The following CRYBG1 variants were observed in gnomAD, a reference collection of about 807,000 sequenced individuals.
The protein encoded by CRYBG1 is crystallin beta-gamma domain containing 1, also known as beta/gamma crystallin domain-containing protein 1.
In CRYBG1, 139 loss-of-function variants were observed where a neutral mutation model predicts 189.2. The ratio of observed to expected loss-of-function variants is 0.73; its 90% CI spans 0.64 to 0.85. The LOEUF (loss-of-function observed/expected upper bound fraction) is 0.85. Ranked by LOEUF, CRYBG1 falls within the 40% of genes least tolerant of loss-of-function variation. The probability of loss-of-function intolerance (pLI) is 0.00; values close to 1 mark genes in which losing one functional copy is unlikely to be tolerated. For synonymous variants in CRYBG1, 1,023 were observed against 1,017.1 expected, an observed-to-expected ratio of 1.01 and a Z score of -0.11; for missense variants, 2,611 against 2,675.8, an observed-to-expected ratio of 0.98 and a Z score of 0.53.
In CRYBG1 at chr6:106,423,251, G is replaced by GTTTTTT. The variant is rs5878887; in HGVS notation, c.174-28425_174-28420dup. 1.7e-4 allele frequency among the ~76,000 whole-genome samples: 14 copies of GTTTTTT among 80,856 alleles called. 1 individual carries two copies. The highest frequency in any genetic ancestry group is 3.1e-4 in the Admixed American group (2 of 6,482). The allele number at this position is 80,856 out of a possible 152,430, so 53.0% of individuals were successfully genotyped here. A position where few individuals can be genotyped will look rare whatever the true frequency, so the allele number is the denominator to read the frequency against. ...TCAAAGTAAGTGCTAGAGTTGGCTG[G>GTTTTTT]TTTTTTTTTTTTTTTTTTTTTTTCG... On this transcript the variant is annotated intron_variant, in intron 1 of 21. Coordinates refer to ENST00000633556, the MANE Select transcript of CRYBG1 (RefSeq NM_001371242.2).
Position 106,513,055 on chromosome 6 carries a change from A to T in CRYBG1, c.1922+16A>T. ...AAGTGACCCTGTAAGTAGCCGCGCAAGTCCCGGCCGAGTTGCTGTCCGCAC... is the reference window on the plus strand; with the variant it reads ...AAGTGACCCTGTAAGTAGCCGCGCATGTCCCGGCCGAGTTGCTGTCCGCAC... On this transcript the variant is annotated intron_variant, in intron 3 of 21. Transcript: ENST00000633556. 6.3e-7 allele frequency: 1 copy of T among 1,591,806 alleles called. No homozygotes were observed. The highest frequency in any genetic ancestry group is 8.5e-7 in the Non-Finnish European group (1 of 1,176,038).
intron 8 of CRYBG1, among the ~76,000 whole-genome samples, chr6:106,533,531 G>A (rs1015786772): frequency 4.6e-5 from 7 of 152,166 alleles, no homozygotes; most frequent in African/African-American, 1.4e-4. Flanking sequence ...AAGAAACCAC[G>A]TAGGATGCAC....
At chr6:106,423,251 G>GTT (rs5878887) in intron 1 of CRYBG1, among the ~76,000 whole-genome samples, 7,673 of 80,772 alleles carry the variant, frequency 0.095, 387 homozygotes, top group East Asian at 0.11. Context: ...GAGTTGGCTG[G>GTT]TTTTTTTTTT....
intron 15 of CRYBG1, among the ~76,000 whole-genome samples, chr6:106,552,859 G>T (rs1774439642): frequency 6.6e-6 from 1 of 152,086 alleles, no homozygotes; most frequent in African/African-American, 2.4e-5. Context: ...ATGGTAAAAT[G>T]AATTTTCATA....
At chr6:106,554,222 G>A (rs902158652) in intron 16 of CRYBG1, among the ~76,000 whole-genome samples, 3 of 152,214 alleles carry the variant, frequency 2.0e-5, no homozygotes, top group African/African-American at 7.2e-5. Flanking sequence ...AATAATAGTA[G>A]TAATAGTGCC....
rs751350925 is a variant in CRYBG1 at position 106,535,695 on chromosome 6, CTCTTT to C, written c.4719-3706_4719-3702del. Among the ~76,000 whole-genome samples, 8 of 151,678 alleles carry C rather than the reference CTCTTT, an allele frequency of 5.3e-5. 1 individual carries two copies. In the East Asian group the frequency reaches 1.4e-3, roughly 26 times the overall value. ...ACATAAATGCGTTTGATTGTTCTGT[CTCTTT>C]TAAGTCTCTTTTTAAAGATCTCTAA... On this transcript the variant is annotated intron_variant, in intron 8 of 21. Transcript: ENST00000633556.
chr6:106,460,006 G>C (rs1249757918), intron 2 of CRYBG1, among the ~76,000 whole-genome samples: 1 of 152,058 alleles, frequency 6.6e-6, no homozygotes, highest in African/African-American at 2.4e-5. Flanking sequence ...ATGAGTCTGA[G>C]CTCTTTTGTT....
intron 1 of CRYBG1, among the ~76,000 whole-genome samples, chr6:106,382,653 A>G (rs1237670348): frequency 1.3e-5 from 2 of 152,210 alleles, no homozygotes; most frequent in African/African-American, 4.8e-5. Context: ...CTCTTTATAC[A>G]ATGGAAAAGA....
At chr6:106,426,248 C>T (rs1316809642) in intron 1 of CRYBG1, among the ~76,000 whole-genome samples, 1 of 152,138 alleles carries the variant, frequency 6.6e-6, no homozygotes, top group Admixed American at 6.5e-5. Context: ...TGACCCCATG[C>T]CCTCTCACCT....
At chr6:106,457,711 T>C (rs115595176) in intron 2 of CRYBG1, among the ~76,000 whole-genome samples, 135 of 152,288 alleles carry the variant, frequency 8.9e-4, no homozygotes, top group African/African-American at 3.0e-3. Flanking sequence ...CTTGCCATCA[T>C]TTCACACCAC....
Position 106,511,589 on chromosome 6 carries a change from C to T in CRYBG1, c.472C>T (p.Pro158Ser). The T allele has an allele frequency of 1.3e-6, 2 of 1,535,848 alleles. No homozygotes were observed. The highest frequency in any genetic ancestry group is 1.7e-6 in the Non-Finnish European group (2 of 1,146,700). The change falls in exon 3 of 22, where the codon CCT (proline) becomes TCT (serine). Residue 158 changes from proline (P) to serine (S), a missense_variant. This residue lies in a region of CRYBG1 where 985 missense variants were observed against 924.4 expected (regional missense o/e 1.07). Transcript: ENST00000633556. ...CTCTCCCAAAGATGTGGTAGCCTCT[C>T]CTAAGCTCCCAGAGAGAGAGAGTGA... ...PLSPKDVVAS[P>S]KLPERESERS... is the part of the protein sequence containing the mutation.
intron 2 of CRYBG1, among the ~76,000 whole-genome samples, chr6:106,472,259 A>T (rs1448058761): frequency 6.6e-6 from 1 of 152,184 alleles, no homozygotes; most frequent in Non-Finnish European, 1.5e-5. Context: ...TCATGAACAC[A>T]AAGTGTATGT....
intron 15 of CRYBG1, among the ~76,000 whole-genome samples, chr6:106,552,582 CAAAAAAAAAAAAAAAAA>C (rs58470981): frequency 7.4e-5 from 5 of 67,622 alleles, no homozygotes; most frequent in Admixed American, 2.1e-4. Flanking sequence ...GACTCTGTCT[CAAAAAAAAAAAAAAAAA>C]AAAAAAAAAA....
Position 106,512,231 on chromosome 6 carries a change from C to A in CRYBG1, c.1114C>A (p.Pro372Thr). The stretch of plus-strand genomic sequence containing the variant: ...AGCCCGCCCCAAGGGTCACGCCCAC[C>A]CTGCTAAGGTGCTAACTTTGGACAT... Reference protein sequence around the residue: ...CTARPKGHAHPAKVLTLDIYL... With the variant: ...CTARPKGHAHTAKVLTLDIYL... Residue 372 changes from proline (P) to threonine (T), a missense_variant, in exon 3 of 22, where the codon CCT becomes ACT. Physicochemically the swap from Pro to Thr is conservative, Grantham distance 38. Around this residue, in one of 3 missense-constraint regions of CRYBG1, gnomAD observed 985 missense variants for 924.4 expected, o/e 1.07. Transcript: ENST00000633556. 1 of 1,538,988 alleles carries A rather than the reference C, an allele frequency of 6.5e-7. No homozygotes were observed. The highest frequency in any genetic ancestry group is 8.7e-7 in the Non-Finnish European group (1 of 1,147,570).
intron 2 of CRYBG1, among the ~76,000 whole-genome samples, chr6:106,507,749 G>A (rs1027208867): frequency 1.3e-5 from 2 of 152,152 alleles, no homozygotes; most frequent in African/African-American, 2.4e-5. Flanking sequence ...AAAGAAATAC[G>A]TATCGCATTT....
At chr6:106,366,358 C>A (rs1013148836) in intron 1 of CRYBG1, among the ~76,000 whole-genome samples, 1 of 152,114 alleles carries the variant, frequency 6.6e-6, no homozygotes, top group African/African-American at 2.4e-5. Context: ...TTTTATTTCA[C>A]CAGTGATAAA....
intron 2 of CRYBG1, among the ~76,000 whole-genome samples, chr6:106,473,098 T>A (rs9386550): frequency 0.21 from 32,455 of 152,098 alleles, 3,693 homozygotes; most frequent in East Asian, 0.37. Context: ...CAGTGCTCAT[T>A]AGATTGTTCT....
chr6:106,454,116 T>G lies in CRYBG1; in HGVS notation c.312+2284T>G, dbSNP rs187411658. 2.4e-4 allele frequency among the ~76,000 whole-genome samples: 37 copies of G among 152,300 alleles called. No homozygotes were observed. In the East Asian group the frequency reaches 4.6e-3, roughly 19 times the overall value. ...CTCTGGGAGCCACTTACCATCTGCC[T>G]GTTGTCTCCCTCTCTCCCCATCTCC... On this transcript the variant is annotated intron_variant, in intron 2 of 21. Transcript: ENST00000633556.
intron 1 of CRYBG1, among the ~76,000 whole-genome samples, chr6:106,416,399 G>A (rs1029847129): frequency 2.6e-5 from 4 of 152,190 alleles, no homozygotes; most frequent in East Asian, 3.9e-4. Context: ...TATCGGAGAC[G>A]GGAGACACCC....
Sources: allele counts gnomAD v4.1 joint callset (sites outside exome capture counted in the v4.1 genomes callset), GRCh38; gene constraint gnomAD v4.1.1; regional missense constraint gnomAD v4.1.1; transcripts MANE v1.5; gene names NCBI Gene and HGNC (gene_info 2026-07-23, HGNC 2026-07-21).